The following CAMK4 variants were observed in gnomAD, a reference collection of about 807,000 sequenced individuals.
CAMK4 encodes the protein calcium/calmodulin-dependent protein kinase type IV.
In CAMK4, 22 loss-of-function variants were observed where a neutral mutation model predicts 44.9. The observed-to-expected ratio is 0.49, with a 90% CI of 0.35 to 0.70. CAMK4 has a LOEUF of 0.70. Among genes scored for constraint, CAMK4 ranks in the 30% least tolerant of loss-of-function variants. CAMK4 has a pLI of 0.01. For missense variants in CAMK4, 498 were observed against 586.8 expected (o/e 0.85, Z 1.56); for synonymous variants, 218 against 215.4 (o/e 1.01, Z -0.11).
intron 5 of CAMK4, among the ~76,000 whole-genome samples, chr5:111,401,893 C>T (rs779668696): frequency 7.9e-5 from 12 of 152,252 alleles, no homozygotes; most frequent in African/African-American, 2.4e-4. Flanking sequence ...GTAGGTGGCT[C>T]GGACCTCAGA....
intron 5 of CAMK4, among the ~76,000 whole-genome samples, chr5:111,443,243 C>CATATATATATATATAT (rs1232548245): frequency 1.4e-5 from 1 of 72,216 alleles, no homozygotes; most frequent in Non-Finnish European, 2.7e-5. Flanking sequence ...CTCCCCCTAC[C>CATATATATATATATAT]ATATATATAT....
At position 111,479,512 on chromosome 5, in the gene CAMK4, A is replaced by C. The variant is rs560922744; in HGVS notation, c.828+1005A>C. Among the ~76,000 whole-genome samples, 48 of 152,298 alleles carry C rather than the reference A, an allele frequency of 3.2e-4. 1 individual carries two copies. Among genetic ancestry groups the C allele is most frequent in the African/African-American group, 1.1e-3 (47 of 41,546 alleles). On this transcript the variant is annotated intron_variant, in intron 9 of 10. Coordinates refer to ENST00000282356, the MANE Select transcript of CAMK4 (RefSeq NM_001744.6). ...CAAAAGCTGACTTTTGAATCATAGA[A>C]GGTTAGATATAGAAGAGGTCTTAGG... is the stretch of plus-strand genomic sequence containing the variant.
intron 1 of CAMK4, among the ~76,000 whole-genome samples, chr5:111,266,705 C>A (rs902237201): frequency 1.3e-5 from 2 of 152,220 alleles, no homozygotes; most frequent in Non-Finnish European, 1.5e-5. Context: ...AATAAAATGT[C>A]TAAGCCCTGT....
chr5:111,433,013 G>C (rs1426142866), intron 5 of CAMK4, among the ~76,000 whole-genome samples: 1 of 152,118 alleles, frequency 6.6e-6, no homozygotes, highest in East Asian at 1.9e-4. Context: ...TGGATAAAAA[G>C]AATGTCATGG....
intron 5 of CAMK4, among the ~76,000 whole-genome samples, chr5:111,416,353 C>T (rs1295453573): frequency 6.6e-6 from 1 of 152,070 alleles, no homozygotes; most frequent in Non-Finnish European, 1.5e-5. Context: ...ATATTTTCTG[C>T]ATTTTAGAAT....
intron 1 of CAMK4, among the ~76,000 whole-genome samples, chr5:111,276,370 T>A (rs1368156408): frequency 6.6e-6 from 1 of 152,202 alleles, no homozygotes; most frequent in Non-Finnish European, 1.5e-5. Context: ...CTTGCAGCTA[T>A]CTTGGGGCTG....
rs915912553 is a variant in CAMK4, at chr5:111,280,561, A to G, written c.161+55917A>G. Reference sequence around the variant, plus strand: ...TAAAGAACTTGGCACAAAAATGAGCACTCCAAAATTCTAAATACAGTTGTT... The same window carrying G: ...TAAAGAACTTGGCACAAAAATGAGCGCTCCAAAATTCTAAATACAGTTGTT... On this transcript the variant is annotated intron_variant, in intron 1 of 10. Coordinates refer to ENST00000282356, the MANE Select transcript of CAMK4 (RefSeq NM_001744.6). 3.3e-5 allele frequency among the ~76,000 whole-genome samples: 5 copies of G among 152,204 alleles called. No individual in the cohort carries two copies. The East Asian group carries it at 9.6e-4, about 29-fold the overall frequency.
At chr5:111,224,239 C>A (rs933605583), upstream of CAMK4, 12 of 379,794 alleles carry the variant, frequency 3.2e-5, no homozygotes, top group Non-Finnish European at 5.0e-5. The surrounding 1 kb of genome is among the most constrained non-coding windows in gnomAD (Gnocchi z 5.7). Context: ...CTCTCCTCAG[C>A]GGTGCAGCTA....
intron 5 of CAMK4, among the ~76,000 whole-genome samples, chr5:111,425,988 C>G (rs944326073): frequency 5.3e-5 from 8 of 152,150 alleles, no homozygotes; most frequent in African/African-American, 1.9e-4. Flanking sequence ...AAGTTCATGA[C>G]AGAACATTTT....
At position 111,355,879 on chromosome 5, in the gene CAMK4, C is replaced by G. The variant is rs938507468; in HGVS notation, c.240+11777C>G. ...AGTATTCCATGGTGTATATGTGCCA[C>G]ATTTTCTTAATCCAGTCTATCATTG... On this transcript the variant is annotated intron_variant, in intron 2 of 10. Transcript: ENST00000282356. Among the ~76,000 whole-genome samples, 3 of 132,450 alleles carry G rather than the reference C, an allele frequency of 2.3e-5. No individual in the cohort carries two copies. The Admixed American group carries it at 2.4e-4, about 11-fold the overall frequency. The allele number at this position is 132,450 out of a possible 152,430, so 86.9% of individuals were successfully genotyped here.
chr5:111,253,596 T>C (rs1749614287), intron 1 of CAMK4, among the ~76,000 whole-genome samples: 1 of 152,172 alleles, frequency 6.6e-6, no homozygotes, highest in African/African-American at 2.4e-5. Flanking sequence ...AAAGACAATT[T>C]TTTGAAGAGA....
In CAMK4 at chr5:111,232,008, TGAAAA is replaced by T. The variant is rs1340343770; in HGVS notation, c.161+7371_161+7375del. 3.3e-5 allele frequency among the ~76,000 whole-genome samples: 5 copies of T among 152,160 alleles called. No individual in the cohort carries two copies. The East Asian group carries it at 5.8e-4, about 18-fold the overall frequency. On this transcript the variant is annotated intron_variant, in intron 1 of 10. Coordinates refer to ENST00000282356, the MANE Select transcript of CAMK4 (RefSeq NM_001744.6). ...GTAATCAGAATCATTGAAAAGTAAT[TGAAAA>T]GAAAAGGATGTTCTCGCTCTCTCTT... is the stretch of plus-strand genomic sequence containing the variant.
chr5:111,419,736 C>A (rs1752952992), intron 5 of CAMK4, among the ~76,000 whole-genome samples: 1 of 152,052 alleles, frequency 6.6e-6, no homozygotes. Context: ...TCAGGTTTGT[C>A]AAAGATCAGA....
chr5:111,364,455 T>A (rs1750714197), intron 2 of CAMK4, among the ~76,000 whole-genome samples: 2 of 152,124 alleles, frequency 1.3e-5, no homozygotes, highest in African/African-American at 4.8e-5. Context: ...TTTCATTCAT[T>A]GCAAAATAAA....
intron 1 of CAMK4, among the ~76,000 whole-genome samples, chr5:111,273,680 TA>T (rs1444817591): frequency 4.2e-4 from 12 of 28,888 alleles, no homozygotes; most frequent in East Asian, 1.7e-3. Context: ...AATGCATTTA[TA>T]TATATATATA....
intron 1 of CAMK4, among the ~76,000 whole-genome samples, chr5:111,297,966 G>C (rs1180834924): frequency 1.3e-5 from 2 of 152,202 alleles, no homozygotes; most frequent in Admixed American, 1.3e-4. Flanking sequence ...ATATTTTATA[G>C]TAAATGGCAT....
At chr5:111,232,880 CAG>C (rs1244670633) in intron 1 of CAMK4, among the ~76,000 whole-genome samples, 1 of 151,746 alleles carries the variant, frequency 6.6e-6, no homozygotes, top group Non-Finnish European at 1.5e-5. Flanking sequence ...TAAAAAGAGA[CAG>C]TAAGTATTTT....
intron 5 of CAMK4, among the ~76,000 whole-genome samples, chr5:111,444,517 A>C (rs1429739475): frequency 6.6e-6 from 1 of 152,134 alleles, no homozygotes; most frequent in African/African-American, 2.4e-5. Context: ...TTCCTGCAGA[A>C]TCCACACTGG....
chr5:111,319,140 C>G (rs694849), intron 1 of CAMK4, among the ~76,000 whole-genome samples: 1 of 152,136 alleles, frequency 6.6e-6, no homozygotes, highest in African/African-American at 2.4e-5. Context: ...CACATGCACA[C>G]AATTAACTAC....
Sources: gnomAD v4.1 joint callset for allele counts (sites outside exome capture counted in the v4.1 genomes callset) on GRCh38, gnomAD v4.1.1 for gene constraint, Gnocchi (gnomAD v3.1) non-coding constraint, MANE v1.5 for transcripts, NCBI Gene and HGNC (gene_info 2026-07-23, HGNC 2026-07-21) for gene names.